The following SULT1C3 variants were observed in gnomAD, a reference collection of about 807,000 sequenced individuals.
The protein encoded by SULT1C3 is sulfotransferase 1C3.
Under a neutral mutation model 28.4 loss-of-function variants are expected in SULT1C3, and 31 were observed. The observed-to-expected ratio is 1.09, with a 90% CI of 0.82 to 1.47. The LOEUF (loss-of-function observed/expected upper bound fraction) is 1.47, where lower values mean the gene tolerates loss of function less well. Among genes scored for constraint, SULT1C3 ranks in the 40% most tolerant of loss-of-function variants. The pLI is 0.00. For missense variants in SULT1C3, 307 were observed against 272.5 expected (o/e 1.13, Z -0.89); for synonymous variants, 106 against 92.2 (o/e 1.15, Z -0.86).
chr2:108,247,326 C>A lies in SULT1C3; in HGVS notation c.132C>A (p.Ala44=). The A allele has an allele frequency of 1.3e-6, 2 of 1,572,536 alleles. No homozygotes were observed. The highest frequency in any genetic ancestry group is 1.2e-5 in the South Asian group (1 of 83,320). ...GGGAAAAAGTATGTAATTTCCAAGC[C>A]AAGCCTGATGATCTTATTCTGGCAA... The part of the protein sequence containing the change: ...EWWEKVCNFQ[A]KPDDLILATY... The change falls in exon 2 of 8, where the codon GCC becomes GCA. Residue 44 remains alanine, a synonymous_variant. Coordinates refer to ENST00000681802, the MANE Select transcript of SULT1C3 (RefSeq NM_001320878.2).
At chr2:108,262,804 T>C (rs1450162451), downstream of SULT1C3, among the ~76,000 whole-genome samples, 1 of 152,186 alleles carries the variant, frequency 6.6e-6, no homozygotes, top group Non-Finnish European at 1.5e-5. Flanking sequence ...GTCGGGCTGC[T>C]ATTTCCTGTG....
At position 108,253,391 on chromosome 2, in the gene SULT1C3, A is replaced by T; in HGVS notation, c.348A>T (p.Thr116=). The change falls in exon 4 of 8, where the codon ACA becomes ACT. Residue 116 remains threonine (T), a synonymous_variant. Coordinates refer to ENST00000681802, the MANE Select transcript of SULT1C3 (RefSeq NM_001320878.2). ...TGTCCTCACCACAACTGATAAAAAC[A>T]CATCTCCCTTCACATCTGATTCCAC... ...LEMSSPQLIK[T]HLPSHLIPPS... is the part of the protein sequence containing the mutation. The T allele has an allele frequency of 6.3e-7, 1 of 1,584,124 alleles. No homozygotes were observed. The highest frequency in any genetic ancestry group is 8.6e-7 in the Non-Finnish European group (1 of 1,165,646).
chr2:108,258,020 G>C (rs1675920747), intron 5 of SULT1C3, among the ~76,000 whole-genome samples: 1 of 151,994 alleles, frequency 6.6e-6, no homozygotes, highest in African/African-American at 2.4e-5. Flanking sequence ...ATTTTCCTCT[G>C]GAGAATGTTT....
rs766509430 is a variant in SULT1C3 at position 108,255,861 on chromosome 2, A to G, written c.526+163A>G. Among the ~76,000 whole-genome samples, 19 of 152,024 alleles carry G rather than the reference A, an allele frequency of 1.2e-4. 1 individual carries two copies. Among genetic ancestry groups the G allele is most frequent in the Admixed American group, 2.0e-4 (3 of 15,244 alleles). ...CCAGGTAGAAGAGGTATTTTTCCAA[A>G]ATTGAGTACAAATGTAAATTGAGGT... On this transcript the variant is annotated intron_variant, in intron 5 of 7. Transcript: ENST00000681802.
At chr2:108,249,258 A>G (rs956751186) in intron 2 of SULT1C3, among the ~76,000 whole-genome samples, 4 of 152,118 alleles carry the variant, frequency 2.6e-5, no homozygotes, top group African/African-American at 9.7e-5. Flanking sequence ...GTTAACCACA[A>G]AGTCTTCAAC....
chr2:108,256,894 G>A (rs539477670), intron 5 of SULT1C3, among the ~76,000 whole-genome samples: 5 of 152,166 alleles, frequency 3.3e-5, no homozygotes, highest in African/African-American at 1.2e-4. Flanking sequence ...ATCTAGATAG[G>A]ACTCCAGGTG....
chr2:108,251,166 T>C (rs1361690776), intron 2 of SULT1C3, among the ~76,000 whole-genome samples: 1 of 151,998 alleles, frequency 6.6e-6, no homozygotes, highest in African/African-American at 2.4e-5. Context: ...AGAGAAAGAA[T>C]TTAGAGGAAT....
intron 5 of SULT1C3, 109 bp downstream of exon 5, chr2:108,255,807 C>T: frequency 7.4e-7 from 1 of 1,351,312 alleles, no homozygotes; most frequent in Non-Finnish European, 9.8e-7. Context: ...TTGAGGAGGT[C>T]CTATCTTGAT....
chr2:108,248,890 C>T (rs559514169), intron 2 of SULT1C3, among the ~76,000 whole-genome samples: 1 of 151,914 alleles, frequency 6.6e-6, no homozygotes, highest in South Asian at 2.1e-4. Context: ...CTTGACGGAC[C>T]CAGTGGAATC....
At chr2:108,264,968 C>T, downstream of SULT1C3, 1 of 1,613,418 alleles carries the variant, frequency 6.2e-7, no homozygotes. Context: ...TGCCCACCAG[C>T]ATTATGGACC....
chr2:108,256,470 G>A (rs1675871111), intron 5 of SULT1C3, among the ~76,000 whole-genome samples: 2 of 152,088 alleles, frequency 1.3e-5, no homozygotes, highest in Admixed American at 6.6e-5. Context: ...TATAACTGCA[G>A]TGAGCAGAAC....
chr2:108,241,392 A>G (rs1675458476), intron 1 of SULT1C3, among the ~76,000 whole-genome samples: 1 of 152,236 alleles, frequency 6.6e-6, no homozygotes, highest in African/African-American at 2.4e-5. Context: ...ACATGCTCCA[A>G]ATTTGGTTCA....
At chr2:108,263,500 A>G (rs532522384), downstream of SULT1C3, among the ~76,000 whole-genome samples, 3 of 152,292 alleles carry the variant, frequency 2.0e-5, no homozygotes, top group African/African-American at 7.2e-5. Flanking sequence ...TTGTAGGGAT[A>G]TGGGGCATTG....
chr2:108,252,435 C>T lies in SULT1C3; in HGVS notation c.243C>T (p.Ala81=), dbSNP rs1675754189. The change falls in exon 3 of 8, where the codon GCC becomes GCT. Residue 81 remains alanine (A), a synonymous_variant. Transcript: ENST00000681802. ...GTGATGTGGAGAAATGCAAAAGAGC[C>T]CAGACTCTAGATAGACACGCTTTCC... ...NDGDVEKCKR[A]QTLDRHAFLE... 1 of 1,612,172 alleles carries T rather than the reference C, an allele frequency of 6.2e-7. No homozygotes were observed. Among genetic ancestry groups the T allele is most frequent in the South Asian group, 1.1e-5 (1 of 90,914 alleles).
intron 1 of SULT1C3, among the ~76,000 whole-genome samples, chr2:108,246,546 T>G (rs1293397920): frequency 2.0e-5 from 3 of 152,268 alleles, no homozygotes; most frequent in African/African-American, 7.2e-5. Flanking sequence ...AAATTCCAAG[T>G]TTCCAGAGTT....
intron 2 of SULT1C3, among the ~76,000 whole-genome samples, 192 bp from the exon 3 acceptor site, chr2:108,252,172 TA>T (rs1558663686): frequency 2.0e-5 from 3 of 151,828 alleles, no homozygotes; most frequent in African/African-American, 7.2e-5. Flanking sequence ...GATAGATAGA[TA>T]GATAGATAGA....
At chr2:108,248,500 T>C (rs1180026749) in intron 2 of SULT1C3, among the ~76,000 whole-genome samples, 3 of 151,936 alleles carry the variant, frequency 2.0e-5, no homozygotes, top group African/African-American at 7.3e-5. Flanking sequence ...TTCTGAGAGG[T>C]TGAAGTGGCT....
intron 1 of SULT1C3, among the ~76,000 whole-genome samples, chr2:108,245,090 A>T (rs1301096654): frequency 6.6e-6 from 1 of 152,148 alleles, no homozygotes; most frequent in Non-Finnish European, 1.5e-5. Flanking sequence ...GATGGAGAAG[A>T]AAACAGTAGA....
chr2:108,259,055 A>T lies in SULT1C3; in HGVS notation c.711A>T (p.Ser237=). ...TAAACAAGATTGTCCACCATACCTCATTTGATGTAATGAAGGATAATCCCA... is the reference window on the plus strand; with the variant it reads ...TAAACAAGATTGTCCACCATACCTCTTTTGATGTAATGAAGGATAATCCCA... ...DVINKIVHHT[S]FDVMKDNPMA... Residue 237 remains serine, a synonymous_variant, in exon 7 of 8, where the codon TCA becomes TCT. Coordinates refer to ENST00000681802, the MANE Select transcript of SULT1C3 (RefSeq NM_001320878.2). The T allele has an allele frequency of 1.5e-6, 1 of 663,826 alleles. No homozygotes were observed. Among genetic ancestry groups the T allele is most frequent in the Non-Finnish European group, 2.8e-6 (1 of 362,616 alleles). 41.1% of individuals were successfully genotyped at this position (663,826 alleles called of 1,614,324 possible).
Sources: gnomAD v4.1 joint callset for allele counts (sites outside exome capture counted in the v4.1 genomes callset) on GRCh38, gnomAD v4.1.1 for gene constraint, MANE v1.5 for transcripts, NCBI Gene and HGNC (gene_info 2026-07-23, HGNC 2026-07-21) for gene names.